The following DLG2 variants were observed in gnomAD, a reference collection of about 807,000 sequenced individuals.
The protein encoded by DLG2 is discs large MAGUK scaffold protein 2.
Under a neutral mutation model 132.5 loss-of-function variants are expected in DLG2, and 45 were observed. The ratio of observed to expected loss-of-function variants is 0.34; its 90% confidence interval spans 0.27 to 0.44. DLG2 has a LOEUF of 0.44. Among genes scored for constraint, DLG2 ranks in the 20% least tolerant of loss-of-function variants. The pLI, the probability that DLG2 is intolerant of heterozygous loss-of-function variation, is 1.00. For missense variants in DLG2, 1,045 were observed against 1,196.9 expected, an observed-to-expected ratio of 0.87 and a Z score of 1.87; for synonymous variants, 424 against 419.6, an observed-to-expected ratio of 1.01 and a Z score of -0.13.
Position 83,472,711 on chromosome 11 carries a change from G to C in DLG2, c.2344+16C>G. 2 of 1,609,444 alleles carry C rather than the reference G, an allele frequency of 1.2e-6. No individual in the cohort carries two copies. The highest frequency in any genetic ancestry group is 1.1e-5 in the South Asian group (1 of 90,694). On this transcript the variant is annotated intron_variant, in intron 23 of 27. Coordinates refer to ENST00000376104, the MANE Select transcript of DLG2 (RefSeq NM_001142699.3). ...TGGCCCAGAAATTAGGAATGAAAGC[G>C]TGCTGGGAAACTTACTTTCCTGCCT...
At chr11:84,613,876 G>A (rs1433493120) in intron 6 of DLG2, among the ~76,000 whole-genome samples, 1 of 152,070 alleles carries the variant, frequency 6.6e-6, no homozygotes, top group Non-Finnish European at 1.5e-5. Flanking sequence ...AGGTTGAAGT[G>A]ACATCATATG....
chr11:83,981,680 AC>A (rs2092794676), intron 11 of DLG2, among the ~76,000 whole-genome samples: 1 of 152,064 alleles, frequency 6.6e-6, no homozygotes, highest in Non-Finnish European at 1.5e-5. Context: ...CAGGTGATCC[AC>A]CTAACTTGGC....
At chr11:84,001,303 T>A (rs1477252775) in intron 11 of DLG2, among the ~76,000 whole-genome samples, 1 of 146,604 alleles carries the variant, frequency 6.8e-6, no homozygotes, top group Non-Finnish European at 1.5e-5. Flanking sequence ...ATCCTTATAT[T>A]GGATAAAACA....
chr11:84,813,402 A>C (rs1418809056), intron 6 of DLG2, among the ~76,000 whole-genome samples: 4 of 152,120 alleles, frequency 2.6e-5, no homozygotes, highest in African/African-American at 9.7e-5. Flanking sequence ...AGGTACAGAG[A>C]AGATGATTAA....
At chr11:83,639,496 C>T (rs1210179110) in intron 18 of DLG2, among the ~76,000 whole-genome samples, 1 of 151,462 alleles carries the variant, frequency 6.6e-6, no homozygotes, top group African/African-American at 2.4e-5. Flanking sequence ...TCTCAGCAAA[C>T]TATCGCAAGG....
intron 6 of DLG2, among the ~76,000 whole-genome samples, chr11:84,675,827 C>A (rs746664401): frequency 1.3e-5 from 2 of 152,112 alleles, no homozygotes; most frequent in Non-Finnish European, 2.9e-5. Context: ...GGTTTCCCAA[C>A]TGAGAGTAAT....
At chr11:84,484,953 C>T (rs1227474113) in intron 7 of DLG2, among the ~76,000 whole-genome samples, 1 of 152,108 alleles carries the variant, frequency 6.6e-6, no homozygotes, top group Non-Finnish European at 1.5e-5. Context: ...CTACTATACA[C>T]CAGACCACAA....
intron 3 of DLG2, among the ~76,000 whole-genome samples, chr11:85,405,367 G>C (rs1158634577): frequency 6.6e-6 from 1 of 151,942 alleles, no homozygotes; most frequent in East Asian, 1.9e-4. Flanking sequence ...TTTGTCTTCT[G>C]TGAGTTATTT....
intron 10 of DLG2, among the ~76,000 whole-genome samples, chr11:84,096,031 T>G (rs1029001783): frequency 6.6e-6 from 1 of 152,222 alleles, no homozygotes; most frequent in Non-Finnish European, 1.5e-5. Context: ...CTTAACATTG[T>G]GAAAGCTTTA....
At chr11:83,846,263 A>G (rs901278161) in intron 16 of DLG2, among the ~76,000 whole-genome samples, 7 of 152,198 alleles carry the variant, frequency 4.6e-5, no homozygotes, top group Non-Finnish European at 8.8e-5. Flanking sequence ...CAGTTTGAAT[A>G]ATGTGCAGGA....
chr11:84,960,019 G>A (rs1314106260), intron 6 of DLG2, among the ~76,000 whole-genome samples: 1 of 152,182 alleles, frequency 6.6e-6, no homozygotes, highest in African/African-American at 2.4e-5. Context: ...TATCTACTAT[G>A]TTCCAGGTCT....
intron 2 of DLG2, among the ~76,000 whole-genome samples, chr11:85,618,212 G>C (rs2081468157): frequency 6.6e-6 from 1 of 152,022 alleles, no homozygotes; most frequent in South Asian, 2.1e-4. Flanking sequence ...CTTGTGTCTT[G>C]ACTGCCATAA....
chr11:84,928,870 A>G (rs1472824028), intron 6 of DLG2, among the ~76,000 whole-genome samples: 1 of 150,112 alleles, frequency 6.7e-6, no homozygotes, highest in Non-Finnish European at 1.5e-5. Flanking sequence ...ATAAAATTGG[A>G]TGTCATTTTG....
chr11:85,191,769 G>A (rs539477804), intron 4 of DLG2, among the ~76,000 whole-genome samples: 1 of 152,144 alleles, frequency 6.6e-6, no homozygotes, highest in Non-Finnish European at 1.5e-5. Context: ...ACCATTGATG[G>A]GCAGGCAGAC....
At chr11:85,064,782 A>G (rs1384931158) in intron 6 of DLG2, among the ~76,000 whole-genome samples, 1 of 151,568 alleles carries the variant, frequency 6.6e-6, no homozygotes, top group Non-Finnish European at 1.5e-5. Context: ...CAATTAATTA[A>G]AGGCCTTAAG....
intron 3 of DLG2, among the ~76,000 whole-genome samples, chr11:85,425,195 A>G (rs2090620470): frequency 6.6e-6 from 1 of 152,364 alleles, no homozygotes; most frequent in Middle Eastern, 3.4e-3. Context: ...AGAACATCTC[A>G]AAGAAAATGT....
chr11:84,893,035 A>G (rs2089652301), intron 6 of DLG2, among the ~76,000 whole-genome samples: 1 of 152,132 alleles, frequency 6.6e-6, no homozygotes, highest in South Asian at 2.1e-4. Context: ...CCCATCAGAA[A>G]CCGAGTAGAC....
intron 8 of DLG2, among the ~76,000 whole-genome samples, chr11:84,185,057 C>A (rs562562753): frequency 6.6e-6 from 1 of 152,228 alleles, no homozygotes; most frequent in African/African-American, 2.4e-5. Flanking sequence ...AATGCAGGCT[C>A]TTTTTTGGTT....
At chr11:83,503,030 C>A (rs527835111) in intron 21 of DLG2, among the ~76,000 whole-genome samples, 76 of 152,034 alleles carry the variant, frequency 5.0e-4, no homozygotes, top group African/African-American at 1.7e-3. Context: ...GTGCTAGGAA[C>A]TGGGGCTACA....
Sources: gnomAD v4.1 joint callset for allele counts (sites outside exome capture counted in the v4.1 genomes callset) on GRCh38, gnomAD v4.1.1 for gene constraint, MANE v1.5 for transcripts, NCBI Gene and HGNC (gene_info 2026-07-23, HGNC 2026-07-21) for gene names.